The following OLFML2B variants were observed in gnomAD, a reference collection of about 807,000 sequenced individuals.
OLFML2B encodes the protein olfactomedin like 2B, also known as olfactomedin-like protein 2B.
OLFML2B carries 57 observed loss-of-function variants against 74.9 expected under a neutral mutation model. The ratio of observed to expected loss-of-function variants is 0.76; its 90% CI spans 0.61 to 0.95. OLFML2B has a LOEUF of 0.95. OLFML2B is among the 40% of genes least tolerant of loss of function. The probability of loss-of-function intolerance (pLI) is 0.00; values close to 1 mark genes in which losing one functional copy is unlikely to be tolerated. For missense variants in OLFML2B, 986 were observed against 970.6 expected (o/e 1.02, Z -0.21); for synonymous variants, 388 against 405.8 (o/e 0.96, Z 0.53).
intron 6 of OLFML2B, among the ~76,000 whole-genome samples, chr1:161,986,391 A>G (rs1355178472): frequency 9.2e-5 from 14 of 152,216 alleles, no homozygotes; most frequent in Admixed American, 9.2e-4. Context: ...GGACAGGAGC[A>G]AGCAGCTGGG....
rs1171065941 is a variant in OLFML2B, at chr1:162,000,356, C to T, written c.724-18G>A. 21 of 1,606,200 alleles carry T rather than the reference C, an allele frequency of 1.3e-5. No individual in the cohort carries two copies. Among genetic ancestry groups the T allele is most frequent in the Non-Finnish European group, 1.7e-5 (20 of 1,176,898 alleles). Reference sequence around the variant, plus strand: ...TCTTCATACTGCTCCTCAGAGGGGACACAAGGGAAGGTCAGGTCACTGGTC... The same window carrying T: ...TCTTCATACTGCTCCTCAGAGGGGATACAAGGGAAGGTCAGGTCACTGGTC... On this transcript the variant is annotated intron_variant, in intron 4 of 7. Transcript: ENST00000294794.
intron 3 of OLFML2B, among the ~76,000 whole-genome samples, chr1:162,015,523 T>C (rs975392257): frequency 3.9e-5 from 6 of 152,216 alleles, no homozygotes; most frequent in African/African-American, 1.4e-4. Flanking sequence ...AAGAGGTTGC[T>C]GTCGCTCCTG....
chr1:162,018,767 G>C (rs1690618237), intron 2 of OLFML2B, among the ~76,000 whole-genome samples: 1 of 152,222 alleles, frequency 6.6e-6, no homozygotes, highest in Non-Finnish European at 1.5e-5. Flanking sequence ...ATTTATCTCA[G>C]AGCCTAGCTT....
chr1:162,012,686 T>C (rs984596982), intron 3 of OLFML2B, among the ~76,000 whole-genome samples: 1 of 152,204 alleles, frequency 6.6e-6, no homozygotes, highest in African/African-American at 2.4e-5. Context: ...ATGGAAAGCT[T>C]GCAGGCATGC....
intron 4 of OLFML2B, among the ~76,000 whole-genome samples, chr1:162,001,810 T>C (rs751436668): frequency 7.9e-5 from 12 of 152,234 alleles, no homozygotes; most frequent in Non-Finnish European, 1.8e-4. Flanking sequence ...CTCCCTAATA[T>C]TTGTTAAATT....
rs150942662 is a variant in OLFML2B at position 162,020,094 on chromosome 1, G to A, written c.263C>T (p.Ala88Val). The A allele has an allele frequency of 3.3e-5, 53 of 1,614,164 alleles. No individual in the cohort carries two copies. In the African/African-American group the frequency reaches 4.7e-4, roughly 14 times the overall value. The change falls in exon 2 of 8, where the codon GCC becomes GTC. Residue 88 changes from alanine (A) to valine (V), a missense_variant. Transcript: ENST00000294794. ...KCVVRPLGRDACQRINAGASR... is the reference protein window; with the variant it reads ...KCVVRPLGRDVCQRINAGASR... ...GGCCCCCGCATTGATCCTCTGGCAGGCATCCCGGCCCAGGGGTCTCACCAC... is the reference window on the plus strand; with the variant it reads ...GGCCCCCGCATTGATCCTCTGGCAGACATCCCGGCCCAGGGGTCTCACCAC...
At chr1:161,996,924 G>A (rs554827916) in intron 6 of OLFML2B, among the ~76,000 whole-genome samples, 51 of 152,288 alleles carry the variant, frequency 3.3e-4, no homozygotes, top group Admixed American at 3.1e-3. Flanking sequence ...TTGGGAGGCC[G>A]AGGTGGGGGG....
chr1:161,998,323 C>T lies in OLFML2B; in HGVS notation c.976G>A (p.Gly326Arg). The stretch of plus-strand genomic sequence containing the variant: ...TGATCTTCAATCAGCAAATCCACTC[C>T]ATTGTCACCGCTGAAAAACTCATCT... ...QQDEFFSGDN[G>R]VDLLIEDQLL... The change falls in exon 6 of 8, where the codon GGA becomes AGA. Residue 326 changes from glycine (G) to arginine (R), a missense_variant. Transcript: ENST00000294794. 6.4e-7 allele frequency: 1 copy of T among 1,565,818 alleles called. No individual in the cohort carries two copies. The highest frequency in any genetic ancestry group is 8.7e-7 in the Non-Finnish European group (1 of 1,150,830).
At chr1:162,015,063 C>T (rs2101976662) in intron 3 of OLFML2B, among the ~76,000 whole-genome samples, 1 of 152,232 alleles carries the variant, frequency 6.6e-6, no homozygotes, top group Admixed American at 6.5e-5. Context: ...CTCACATTAC[C>T]CAGGAACAAA....
intron 2 of OLFML2B, among the ~76,000 whole-genome samples, chr1:162,017,730 T>C (rs1046391712): frequency 6.6e-6 from 1 of 152,234 alleles, no homozygotes; most frequent in Admixed American, 6.5e-5. Context: ...GGGAGAGTCC[T>C]ACAAGAACAA....
chr1:161,986,684 T>C (rs1689599761), intron 6 of OLFML2B, among the ~76,000 whole-genome samples: 1 of 152,194 alleles, frequency 6.6e-6, no homozygotes, highest in African/African-American at 2.4e-5. Flanking sequence ...GGAAAAGCTC[T>C]CATTCCCTGG....
At chr1:162,000,052 G>T in intron 5 of OLFML2B, 61 bp downstream of exon 5, 1 of 1,326,192 alleles carries the variant, frequency 7.5e-7, no homozygotes, top group Non-Finnish European at 1.1e-6. Flanking sequence ...GCCCACTATG[G>T]TCCAAATGGT....
At position 161,998,085 on chromosome 1, in the gene OLFML2B, G is replaced by C; in HGVS notation, c.1214C>G (p.Thr405Arg). The C allele has an allele frequency of 6.2e-7, 1 of 1,614,012 alleles. No homozygotes were observed. The highest frequency in any genetic ancestry group is 2.2e-5 in the East Asian group (1 of 44,890). The change falls in exon 6 of 8, where the codon ACA becomes AGA. Residue 405 changes from threonine (T) to arginine (R), a missense_variant. Transcript: ENST00000294794. ...AGAAGGCTGCAGGACTGACTCCCTT[G>C]TGGGATCTGGAGACACCGAGGTTGT... ...LQTTSVSPDP[T>R]RESVLQPSPQ...
Position 162,006,366 on chromosome 1 carries a change from G to T in OLFML2B, c.654C>A (p.Ile218=), listed in dbSNP as rs1172725335. Reference sequence around the variant, plus strand: ...AGCGGATGTCTGGCATGCTATCTAGGATGTTTTCAGAGCAATTTTCTTTGC... The same window carrying T: ...AGCGGATGTCTGGCATGCTATCTAGTATGTTTTCAGAGCAATTTTCTTTGC... ...KRGKENCSEN[I]LDSMPDIRSA... is the part of the protein sequence containing the mutation. The change falls in exon 4 of 8, where the codon ATC becomes ATA. Residue 218 remains isoleucine (I), a synonymous_variant. Transcript: ENST00000294794. The T allele has an allele frequency of 6.2e-7, 1 of 1,612,932 alleles. No homozygotes were observed. Among genetic ancestry groups the T allele is most frequent in the East Asian group, 2.2e-5 (1 of 44,854 alleles).
rs199764734 is a variant in OLFML2B, at chr1:161,998,254, G to T, written c.1045C>A (p.Pro349Thr). The change falls in exon 6 of 8, where the codon CCT becomes ACT. Residue 349 changes from proline to threonine, a missense_variant. Coordinates refer to ENST00000294794, the MANE Select transcript of OLFML2B (RefSeq NM_015441.3). ...NGLMTSVTRR[P>T]AATRQGHSTA... is the part of the protein sequence containing the mutation. Reference sequence around the variant, plus strand: ...CTGTGTCCCTGACGGGTGGCTGCAGGCCTCCGGGTGACACTGGTCATCAGG... The same window carrying T: ...CTGTGTCCCTGACGGGTGGCTGCAGTCCTCCGGGTGACACTGGTCATCAGG... 6.2e-6 allele frequency: 10 copies of T among 1,610,876 alleles called. No homozygotes were observed. The highest frequency in any genetic ancestry group is 1.7e-5 in the Admixed American group (1 of 59,938).
intron 7 of OLFML2B, 98 bp from the exon 8 acceptor site, chr1:161,984,374 A>C: frequency 6.8e-7 from 1 of 1,471,614 alleles, no homozygotes; most frequent in Non-Finnish European, 9.0e-7. Context: ...GGGTCTGGAA[A>C]CCCAGGTTTG....
chr1:162,023,148 T>A, intron 1 of OLFML2B, 109 bp downstream of exon 1: 1 of 1,059,658 alleles, frequency 9.4e-7, no homozygotes. Context: ...CCCTTTCCAT[T>A]GGTAATGGAA....
In OLFML2B at chr1:162,008,485, C is replaced by G. The variant is rs180837161; in HGVS notation, c.547-2012G>C. Among the ~76,000 whole-genome samples, 336 of 152,240 alleles carry G rather than the reference C, an allele frequency of 2.2e-3. 3 individuals are homozygous for G. The highest frequency in any genetic ancestry group is 6.3e-3 in the African/African-American group (261 of 41,538). On this transcript the variant is annotated intron_variant, in intron 3 of 7. Transcript: ENST00000294794. Reference sequence around the variant, plus strand: ...TCACTAAGAACACCAGGAGAGGATCCCGGCACACAGACAGCTCTCAGCAGC... The same window carrying G: ...TCACTAAGAACACCAGGAGAGGATCGCGGCACACAGACAGCTCTCAGCAGC...
In OLFML2B at chr1:162,006,394, C is replaced by T. The variant is rs778489676; in HGVS notation, c.626G>A (p.Arg209Gln). The stretch of plus-strand genomic sequence containing the variant: ...GTTTTCAGAGCAATTTTCTTTGCCT[C>T]GCTTATTCATCTCGGTTCGAATTTC... The part of the protein sequence containing the change: ...MEEIRTEMNK[R>Q]GKENCSENIL... Residue 209 changes from arginine (R) to glutamine (Q), a missense_variant, in exon 4 of 8, where the codon CGA becomes CAA. By Grantham distance (43) the Arg-to-Gln change is conservative. Coordinates refer to ENST00000294794, the MANE Select transcript of OLFML2B (RefSeq NM_015441.3). The T allele has an allele frequency of 4.3e-6, 7 of 1,612,278 alleles. No individual in the cohort carries two copies. Among genetic ancestry groups the T allele is most frequent in the African/African-American group, 1.3e-5 (1 of 74,584 alleles).
Sources: gnomAD v4.1 joint callset for allele counts (sites outside exome capture counted in the v4.1 genomes callset) on GRCh38, gnomAD v4.1.1 for gene constraint, MANE v1.5 for transcripts, NCBI Gene and HGNC (gene_info 2026-07-23, HGNC 2026-07-21) for gene names.